TIGAR: variants seen among roughly 807,000 people sequenced by gnomAD.
TIGAR encodes the protein TP53 induced glycolysis regulatory phosphatase, also known as fructose-2,6-bisphosphatase TIGAR.
TIGAR carries 7 observed loss-of-function variants against 17.9 expected under a neutral mutation model. That is an observed-to-expected ratio of 0.39 (90% CI 0.22 to 0.73). TIGAR has a LOEUF of 0.73. Ranked by LOEUF, TIGAR falls within the 30% of genes least tolerant of loss-of-function variation. The pLI, the probability that TIGAR is intolerant of heterozygous loss-of-function variation, is 0.42. For missense variants in TIGAR, 258 were observed against 327.4 expected, an observed-to-expected ratio of 0.79 and a Z score of 1.64; for synonymous variants, 94 against 108.6, an observed-to-expected ratio of 0.87 and a Z score of 0.84.
intron 2 of TIGAR, 33 bp downstream of exon 2, chr12:4,331,350 A>C (rs1247868284): frequency 6.3e-7 from 1 of 1,596,436 alleles, no homozygotes; most frequent in East Asian, 2.2e-5. Context: ...TTTAGCTCTC[A>C]CCCTTGTGTT....
At chr12:4,325,066 C>T (rs545068143) in intron 1 of TIGAR, among the ~76,000 whole-genome samples, 2 of 151,894 alleles carry the variant, frequency 1.3e-5, no homozygotes, top group South Asian at 2.1e-4. Context: ...CTTCAGCCTC[C>T]GGAGTAGCTG....
intron 4 of TIGAR, 68 bp downstream of exon 4, chr12:4,349,964 G>T (rs990183258): frequency 8.9e-7 from 1 of 1,121,456 alleles, no homozygotes; most frequent in South Asian, 1.6e-5. Context: ...TTTGTCACTT[G>T]GCTAAAAGTT....
rs1192670186 is a variant in TIGAR, at chr12:4,352,316, A to G, written c.438A>G (p.Glu146=). The G allele has an allele frequency of 6.2e-7, 1 of 1,613,978 alleles. No homozygotes were observed. The highest frequency in any genetic ancestry group is 8.5e-7 in the Non-Finnish European group (1 of 1,179,990). ...FEFLCQLILK[E]ADQKEQFSQG... The stretch of plus-strand genomic sequence containing the variant: ...TTCTTTGTCAACTAATCCTGAAAGA[A>G]GCGGATCAAAAAGAACAGTTTTCCC... The change falls in exon 6 of 6, where the codon GAA becomes GAG. Residue 146 remains glutamate, a synonymous_variant. Transcript: ENST00000179259.
At chr12:4,337,976 C>G (rs1439287607) in intron 3 of TIGAR, among the ~76,000 whole-genome samples, 1 of 152,002 alleles carries the variant, frequency 6.6e-6, no homozygotes, top group East Asian at 1.9e-4. Context: ...ACTACAAATA[C>G]AAAAATTAGC....
chr12:4,357,511 CTCTT>C lies in TIGAR; in HGVS notation c.*4826_*4829del, dbSNP rs779323522. On this transcript the variant is annotated 3_prime_UTR_variant, in exon 6 of 6. Coordinates refer to ENST00000179259, the MANE Select transcript of TIGAR (RefSeq NM_020375.3). ...TTCATGTAAATGTTGCTTTTTACCC[CTCTT>C]TCTTTGGGCCCCATCAATTTGGAAG... 6.6e-5 allele frequency among the ~76,000 whole-genome samples: 10 copies of C among 152,130 alleles called. No homozygotes were observed. The highest frequency in any genetic ancestry group is 1.3e-4 in the Non-Finnish European group (9 of 68,016).
chr12:4,356,426 A>T lies in TIGAR; in HGVS notation c.*3735A>T, dbSNP rs1355043494. ...AATTTTTTAAGAGACTTAATTTTTT[A>T]AGAGAAACTTTAATTTCCCAGCAAA... On this transcript the variant is annotated 3_prime_UTR_variant, in exon 6 of 6. Transcript: ENST00000179259. Among the ~76,000 whole-genome samples the T allele has an allele frequency of 6.6e-6, 1 of 152,106 alleles. No individual in the cohort carries two copies. Among genetic ancestry groups the T allele is most frequent in the African/African-American group, 2.4e-5 (1 of 41,414 alleles).
chr12:4,336,048 T>C (rs1189362089), intron 2 of TIGAR, among the ~76,000 whole-genome samples: 2 of 152,276 alleles, frequency 1.3e-5, no homozygotes, highest in African/African-American at 4.8e-5. Flanking sequence ...CTGATTTCAA[T>C]GTCTGAAGTC....
At chr12:4,345,455 C>T (rs915526972) in intron 3 of TIGAR, among the ~76,000 whole-genome samples, 1 of 152,204 alleles carries the variant, frequency 6.6e-6, no homozygotes, top group Non-Finnish European at 1.5e-5. Context: ...AATAATACCA[C>T]ACATCTACAA....
intron 2 of TIGAR, 128 bp from the exon 3 acceptor site, chr12:4,336,911 G>A (rs7306862): frequency 0.079 from 86,225 of 1,095,446 alleles, 4,815 homozygotes; most frequent in African/African-American, 0.25. Context: ...GAAAAGTTAC[G>A]TGGAAGAGTA....
chr12:4,326,498 A>G (rs1257006461), intron 1 of TIGAR, among the ~76,000 whole-genome samples: 1 of 152,230 alleles, frequency 6.6e-6, no homozygotes, highest in Non-Finnish European at 1.5e-5. Context: ...TTTAATATTT[A>G]TAAAGTGATT....
At chr12:4,329,945 G>T (rs1864587011) in intron 1 of TIGAR, among the ~76,000 whole-genome samples, 1 of 152,048 alleles carries the variant, frequency 6.6e-6, no homozygotes. Flanking sequence ...ATAGAGTGTG[G>T]GTATTAAATA....
chr12:4,352,661 T>C lies in TIGAR; in HGVS notation c.783T>C (p.Asp261=). The change falls in exon 6 of 6, where the codon GAT becomes GAC. Residue 261 remains aspartate (D), a synonymous_variant. Coordinates refer to ENST00000179259, the MANE Select transcript of TIGAR (RefSeq NM_020375.3). ...AGTGTATTTGTATGAACCTACAGGATCATCTAAATGGACTGACTGAAACTC... is the reference window on the plus strand; with the variant it reads ...AGTGTATTTGTATGAACCTACAGGACCATCTAAATGGACTGACTGAAACTC... The part of the protein sequence containing the change: ...TVQCICMNLQ[D]HLNGLTETR 1 of 1,603,000 alleles carries C rather than the reference T, an allele frequency of 6.2e-7. No individual in the cohort carries two copies. Among genetic ancestry groups the C allele is most frequent in the South Asian group, 1.1e-5 (1 of 91,080 alleles).
intron 3 of TIGAR, among the ~76,000 whole-genome samples, chr12:4,346,687 T>C (rs1233149948): frequency 6.6e-6 from 1 of 151,950 alleles, no homozygotes; most frequent in African/African-American, 2.4e-5. Flanking sequence ...CACACCAACA[T>C]GGCACATGTA....
At chr12:4,324,170 C>T (rs556230014) in intron 1 of TIGAR, among the ~76,000 whole-genome samples, 23 of 152,340 alleles carry the variant, frequency 1.5e-4, no homozygotes, top group Admixed American at 1.3e-4. Flanking sequence ...CAGACTATAA[C>T]TTCTCATGAG....
chr12:4,337,785 T>G (rs1425310516), intron 3 of TIGAR, among the ~76,000 whole-genome samples: 1 of 152,184 alleles, frequency 6.6e-6, no homozygotes, highest in Non-Finnish European at 1.5e-5. Context: ...TATGTCACTG[T>G]AAAGAAATAA....
chr12:4,327,909 G>A (rs1016652295), intron 1 of TIGAR, among the ~76,000 whole-genome samples: 5 of 151,936 alleles, frequency 3.3e-5, no homozygotes, highest in Non-Finnish European at 5.9e-5. Flanking sequence ...CTCATGATCC[G>A]CCTGCTTCGG....
intron 1 of TIGAR, among the ~76,000 whole-genome samples, chr12:4,322,243 T>C (rs1340414281): frequency 6.6e-6 from 1 of 152,198 alleles, no homozygotes; most frequent in Non-Finnish European, 1.5e-5. Flanking sequence ...GTGATCCGAC[T>C]ACCTCGGCCT....
At chr12:4,351,185 G>A (rs1864833992) in intron 4 of TIGAR, 82 bp from the exon 5 acceptor site, 1 of 1,271,722 alleles carries the variant, frequency 7.9e-7, no homozygotes, top group Non-Finnish European at 1.1e-6. Context: ...TGGGATGAAT[G>A]TTCTAAATTT....
intron 1 of TIGAR, among the ~76,000 whole-genome samples, chr12:4,323,307 G>C (rs994984548): frequency 6.6e-6 from 1 of 152,080 alleles, no homozygotes; most frequent in African/African-American, 2.4e-5. Flanking sequence ...AGAAGTTGTA[G>C]AATATTTGGG....
Sources: gnomAD v4.1 joint callset for allele counts (sites outside exome capture counted in the v4.1 genomes callset) on GRCh38, gnomAD v4.1.1 for gene constraint, MANE v1.5 for transcripts, NCBI Gene and HGNC (gene_info 2026-07-23, HGNC 2026-07-21) for gene names.